The following MTFR1 variants were observed in gnomAD, a reference collection of about 807,000 sequenced individuals.
MTFR1 encodes chondrocyte protein with a poly-proline region.
In MTFR1, 28 loss-of-function variants were observed where a neutral mutation model predicts 38.8. That is an observed-to-expected ratio of 0.72 (90% CI 0.53 to 0.99). The LOEUF (loss-of-function observed/expected upper bound fraction) is 0.99, where lower values mean the gene tolerates loss of function less well. MTFR1 is among the 50% of genes least tolerant of loss of function. The pLI is 0.00. For missense variants in MTFR1, 358 were observed against 395.5 expected (o/e 0.91, Z 0.81); for synonymous variants, 145 against 137.0 (o/e 1.06, Z -0.41).
intron 3 of MTFR1, chr8:65,723,650 T>C (rs1436079104): frequency 7.0e-7 from 1 of 1,425,302 alleles, no homozygotes; most frequent in East Asian, 2.6e-5. Context: ...GAAGTATTAA[T>C]ATGAAGAATA....
At chr8:65,702,300 T>TC (rs1481259973) in intron 4 of MTFR1, among the ~76,000 whole-genome samples, 30 of 131,088 alleles carry the variant, frequency 2.3e-4, no homozygotes, top group Middle Eastern at 7.2e-3. Context: ...TTTCTTTCTT[T>TC]TTTTTTTTTT....
Position 65,703,419 on chromosome 8 carries a change from GTTTTTTTTTTTTTTTTT to G in MTFR1, c.282-1259_282-1243del, listed in dbSNP as rs553260839. 2.4e-3 allele frequency among the ~76,000 whole-genome samples: 122 copies of G among 50,958 alleles called. 1 individual carries two copies. The highest frequency in any genetic ancestry group is 0.014 in the Admixed American group (45 of 3,304). 33.4% of individuals were successfully genotyped at this position (50,958 alleles called of 152,430 possible). A position where few individuals can be genotyped will look rare whatever the true frequency, so the allele number is the denominator to read the frequency against. On this transcript the variant is annotated intron_variant, in intron 4 of 7. Transcript: ENST00000262146. ...GGTACATCCATGCTTGATGTCTCTGGTTTTTTTTTTTTTTTTTTTTTTTTTTTTTTTTGAGATGGAGT... is the reference window on the plus strand; with the variant it reads ...GGTACATCCATGCTTGATGTCTCTGGTTTTTTTTTTTTTTTGAGATGGAGT...
At chr8:65,726,912 C>A in intron 3 of MTFR1, 1 of 1,608,446 alleles carries the variant, frequency 6.2e-7, no homozygotes. Flanking sequence ...AAGCCTGATT[C>A]TCTCAATAAG....
At chr8:65,702,068 A>T (rs574609572) in intron 4 of MTFR1, among the ~76,000 whole-genome samples, 16 of 152,286 alleles carry the variant, frequency 1.1e-4, no homozygotes, top group South Asian at 4.2e-4. Flanking sequence ...TGAAATATAA[A>T]ACAACAGAAG....
chr8:65,740,994 C>T (rs1319868366), intron 3 of MTFR1, among the ~76,000 whole-genome samples: 1 of 152,180 alleles, frequency 6.6e-6, no homozygotes, highest in African/African-American at 2.4e-5. Flanking sequence ...AACGTCCACT[C>T]CTTTGTCACT....
chr8:65,696,938 A>G (rs143485618), intron 4 of MTFR1, among the ~76,000 whole-genome samples: 6,266 of 144,624 alleles, frequency 0.043, 192 homozygotes, highest in Non-Finnish European at 0.064. Flanking sequence ...TGGGATTACA[A>G]GTGTGAGCCA....
exon 4 of MTFR1, chr8:65,771,216 C>A: frequency 6.3e-6 from 1 of 159,438 alleles, no homozygotes; most frequent in Non-Finnish European, 1.4e-5. Context: ...TAATATAAAC[C>A]CAAACGTTGC....
intron 3 of MTFR1, among the ~76,000 whole-genome samples, chr8:65,756,347 C>T (rs1808239118): frequency 6.6e-6 from 1 of 152,078 alleles, no homozygotes; most frequent in African/African-American, 2.4e-5. Flanking sequence ...TTTTTCTGCC[C>T]CTTTTTCTTT....
chr8:65,754,890 G>A (rs192516934), intron 3 of MTFR1, among the ~76,000 whole-genome samples: 2 of 149,214 alleles, frequency 1.3e-5, no homozygotes, highest in South Asian at 4.4e-4. Context: ...GCCTGAACCC[G>A]GGAGGCGGAG....
At chr8:65,698,819 C>T (rs1805526520) in intron 4 of MTFR1, among the ~76,000 whole-genome samples, 1 of 151,940 alleles carries the variant, frequency 6.6e-6, no homozygotes, top group South Asian at 2.1e-4. Context: ...ACCTCCACCT[C>T]CTGGGTTCAA....
At chr8:65,763,893 C>T (rs1048334868) in intron 3 of MTFR1, among the ~76,000 whole-genome samples, 1 of 152,168 alleles carries the variant, frequency 6.6e-6, no homozygotes, top group Non-Finnish European at 1.5e-5. Flanking sequence ...CAATACGTAT[C>T]GGTCAATTTC....
chr8:65,702,573 C>T (rs1237848309), intron 4 of MTFR1, among the ~76,000 whole-genome samples: 1 of 152,112 alleles, frequency 6.6e-6, no homozygotes, highest in East Asian at 1.9e-4. Context: ...TTTCTACCAA[C>T]TTTATATTTC....
At chr8:65,747,774 C>A in intron 3 of MTFR1, 1 of 1,608,262 alleles carries the variant, frequency 6.2e-7, no homozygotes, top group Non-Finnish European at 8.5e-7. Flanking sequence ...ATATTCCTTG[C>A]AGAGACAGAC....
intron 2 of MTFR1, among the ~76,000 whole-genome samples, chr8:65,717,156 A>G (rs1043883956): frequency 6.6e-6 from 1 of 152,260 alleles, no homozygotes; most frequent in Non-Finnish European, 1.5e-5. Flanking sequence ...TAGAAAACCG[A>G]AAATTATGTG....
Position 65,707,012 on chromosome 8 carries a change from G to T in MTFR1, c.520G>T (p.Asp174Tyr). 2 of 1,591,970 alleles carry T rather than the reference G, an allele frequency of 1.3e-6. No individual in the cohort carries two copies. Among genetic ancestry groups the T allele is most frequent in the South Asian group, 2.3e-5 (2 of 87,250 alleles). The change falls in exon 6 of 8, where the codon GAC becomes TAC. Residue 174 changes from aspartate (D) to tyrosine (Y), a missense_variant and splice_region_variant. Asp to Tyr is a radical substitution (Grantham distance 160). Transcript: ENST00000262146. ...TTTGTTTTCCTTTGTTTCTGTAGGTGACTTAGATTCTACCACATTTGGTAC... is the reference window on the plus strand; with the variant it reads ...TTTGTTTTCCTTTGTTTCTGTAGGTTACTTAGATTCTACCACATTTGGTAC... ...QQEQQNLTAG[D>Y]LDSTTFGTIP...
intron 3 of MTFR1, among the ~76,000 whole-genome samples, chr8:65,762,991 A>ATGTGTGTGTGTGTGTGTG (rs34371328): frequency 1.4e-5 from 2 of 138,514 alleles, no homozygotes; most frequent in South Asian, 2.4e-4. Context: ...TATAAAAACA[A>ATGTGTGTGTGTGTGTGTG]TGTGTGTGTG....
intron 3 of MTFR1, among the ~76,000 whole-genome samples, chr8:65,767,916 T>A (rs1329826869): frequency 6.6e-6 from 1 of 152,194 alleles, no homozygotes; most frequent in Non-Finnish European, 1.5e-5. Flanking sequence ...AACCTGAAGC[T>A]GGTCGGTCAG....
intron 3 of MTFR1, among the ~76,000 whole-genome samples, chr8:65,747,400 C>A (rs1160554582): frequency 6.6e-6 from 1 of 152,100 alleles, no homozygotes; most frequent in African/African-American, 2.4e-5. Flanking sequence ...TTTTATTGAT[C>A]TCCTTGTTAC....
At chr8:65,749,327 T>C (rs1807826615) in intron 3 of MTFR1, among the ~76,000 whole-genome samples, 1 of 152,210 alleles carries the variant, frequency 6.6e-6, no homozygotes, top group South Asian at 2.1e-4. Flanking sequence ...ATTTTTAAAA[T>C]ATCTGATGAA....
Sources: gnomAD v4.1 joint callset for allele counts (sites outside exome capture counted in the v4.1 genomes callset) on GRCh38, gnomAD v4.1.1 for gene constraint, MANE v1.5 for transcripts, NCBI Gene and HGNC (gene_info 2026-07-23, HGNC 2026-07-21) for gene names.